HERC3: variants seen among roughly 807,000 people sequenced by gnomAD.
HERC3 encodes probable E3 ubiquitin-protein ligase HERC3.
HERC3 carries 58 observed loss-of-function variants against 129.9 expected under a neutral mutation model. The observed-to-expected ratio is 0.45, with a 90% CI of 0.36 to 0.56. HERC3 has a LOEUF of 0.56. Among genes scored for constraint, HERC3 ranks in the 20% least tolerant of loss-of-function variants. The probability of loss-of-function intolerance (pLI) is 0.00; values close to 1 mark genes in which losing one functional copy is unlikely to be tolerated. For synonymous variants in HERC3, 430 were observed against 451.0 expected (o/e 0.95, Z 0.59); for missense variants, 835 against 1,244.2 (o/e 0.67, Z 4.95).
At chr4:88,550,028 T>C in the HERC3 span, among the ~76,000 whole-genome samples, 3 of 152,126 alleles carry the variant, frequency 2.0e-5, no homozygotes, top group Non-Finnish European at 4.4e-5. Flanking sequence ...GAATGGGGTA[T>C]GACCTTATAA....
At chr4:88,534,478 C>T in the HERC3 span, among the ~76,000 whole-genome samples, 2 of 148,800 alleles carry the variant, frequency 1.3e-5, no homozygotes, top group South Asian at 4.2e-4. Context: ...ATTAGTCTAA[C>T]AGTTTTGTTT....
At chr4:88,668,224 G>A in intron 14 of HERC3, 143 bp downstream of exon 14, 1 of 611,650 alleles carries the variant, frequency 1.6e-6, no homozygotes. Context: ...TTTCTTTGCT[G>A]TTAATTTTTA....
rs896732898 is a variant in HERC3, at chr4:88,648,218, C to T, written c.227-1622C>T. Among the ~76,000 whole-genome samples the T allele has an allele frequency of 4.6e-5, 7 of 152,032 alleles. No homozygotes were observed. In the East Asian group the frequency reaches 9.6e-4, roughly 21 times the overall value. On this transcript the variant is annotated intron_variant, in intron 3 of 25. Transcript: ENST00000402738. Reference sequence around the variant, plus strand: ...CTTTAAGTAGTGTTTTCTTTTTCACCTTGGAGACATCCCTCCACCTTTGCT... The same window carrying T: ...CTTTAAGTAGTGTTTTCTTTTTCACTTTGGAGACATCCCTCCACCTTTGCT...
chr4:88,574,251 T>C, the HERC3 span, among the ~76,000 whole-genome samples: 1 of 152,202 alleles, frequency 6.6e-6, no homozygotes, highest in Non-Finnish European at 1.5e-5. Context: ...CCTGTGGCAG[T>C]GCACAGAGGT....
At chr4:88,550,063 T>C in the HERC3 span, among the ~76,000 whole-genome samples, 1 of 152,162 alleles carries the variant, frequency 6.6e-6, no homozygotes, top group Admixed American at 6.5e-5. Flanking sequence ...TTAGGCGACA[T>C]CTGGGAAGAT....
At chr4:88,683,883 A>G (rs1001947945) in intron 21 of HERC3, among the ~76,000 whole-genome samples, 4 of 152,200 alleles carry the variant, frequency 2.6e-5, no homozygotes, top group African/African-American at 9.7e-5. Flanking sequence ...ACTTTCTTAA[A>G]ACATCATGAG....
intron 3 of HERC3, among the ~76,000 whole-genome samples, chr4:88,643,789 T>G (rs143684646): frequency 6.6e-6 from 1 of 152,266 alleles, no homozygotes; most frequent in East Asian, 1.9e-4. Context: ...AATAAAGCTT[T>G]CAGAAGAAAG....
chr4:88,675,621 T>C (rs1213586943), intron 16 of HERC3, among the ~76,000 whole-genome samples: 1 of 152,026 alleles, frequency 6.6e-6, no homozygotes, highest in Non-Finnish European at 1.5e-5. Context: ...GTGGGTTTTT[T>C]ACCATTACTC....
Position 88,691,262 on chromosome 4 carries a change from AC to A in HERC3, c.2657+3964del, listed in dbSNP as rs3836634. On this transcript the variant is annotated intron_variant, in intron 23 of 25. Transcript: ENST00000402738. ...AGAGTACTCATTGAATACACTGTGAACTCATCCATGCTACTTTAGGCACTGA... is the reference window on the plus strand; with the variant it reads ...AGAGTACTCATTGAATACACTGTGAATCATCCATGCTACTTTAGGCACTGA... Among the ~76,000 whole-genome samples the A allele has an allele frequency of 4.6e-5, 7 of 152,212 alleles. No homozygotes were observed. The East Asian group carries it at 1.4e-3, about 29-fold the overall frequency.
At chr4:88,591,745 G>C (rs1267351432), upstream of HERC3, among the ~76,000 whole-genome samples, 1 of 152,090 alleles carries the variant, frequency 6.6e-6, no homozygotes, top group African/African-American at 2.4e-5. Flanking sequence ...AGTGGAAGAG[G>C]ACAAACTTTT....
the HERC3 span, chr4:88,524,661 G>T: frequency 2.0e-5 from 3 of 152,206 alleles, no homozygotes; most frequent in African/African-American, 4.8e-5. Flanking sequence ...TACCTTGTAG[G>T]TAGGGCATAA....
the HERC3 span, among the ~76,000 whole-genome samples, chr4:88,585,864 C>T: frequency 6.6e-6 from 1 of 151,958 alleles, no homozygotes; most frequent in African/African-American, 2.4e-5. Flanking sequence ...GTTTGTATTT[C>T]ACATATATCA....
Position 88,652,062 on chromosome 4 carries a change from A to G in HERC3, c.437A>G (p.Asn146Ser), listed in dbSNP as rs756619836. The change falls in exon 5 of 26, where the codon AAC becomes AGC. Residue 146 changes from asparagine to serine, a missense_variant. Asn to Ser is a conservative substitution (Grantham distance 46). Coordinates refer to ENST00000402738, the MANE Select transcript of HERC3 (RefSeq NM_014606.3). Reference sequence around the variant, plus strand: ...ACAATATTACAAGTTTCCTGTGGCAACTGGCATTGCTTGGCTCTTGCGGCT... The same window carrying G: ...ACAATATTACAAGTTTCCTGTGGCAGCTGGCATTGCTTGGCTCTTGCGGCT... ...QQTILQVSCG[N>S]WHCLALAADG... The G allele has an allele frequency of 4.3e-6, 7 of 1,613,938 alleles. No homozygotes were observed. The Admixed American group carries it at 1.2e-4, about 27-fold the overall frequency.
intron 3 of HERC3, among the ~76,000 whole-genome samples, chr4:88,647,099 T>C (rs1305601084): frequency 6.6e-6 from 1 of 152,096 alleles, no homozygotes; most frequent in Non-Finnish European, 1.5e-5. Flanking sequence ...TGGTGAGTGA[T>C]GGGACAGGAA....
chr4:88,690,112 A>T, intron 23 of HERC3: 1 of 985,414 alleles, frequency 1.0e-6, no homozygotes, highest in South Asian at 4.7e-5. Flanking sequence ...TATAGAGGCT[A>T]GTCTTGATTC....
chr4:88,538,559 T>TC, the HERC3 span, among the ~76,000 whole-genome samples: 2 of 151,538 alleles, frequency 1.3e-5, no homozygotes, highest in Non-Finnish European at 2.9e-5. Context: ...TTTTTTTTTT[T>TC]TTTTGACGAA....
chr4:88,581,053 A>G, the HERC3 span, among the ~76,000 whole-genome samples: 1 of 152,198 alleles, frequency 6.6e-6, no homozygotes, highest in Non-Finnish European at 1.5e-5. Context: ...ATGGCATGGC[A>G]CATCAGAGGG....
chr4:88,557,666 A>C, the HERC3 span, among the ~76,000 whole-genome samples: 1 of 152,314 alleles, frequency 6.6e-6, no homozygotes, highest in East Asian at 1.9e-4. Context: ...AAGGGCTTTC[A>C]GATCGGATGT....
the HERC3 span, among the ~76,000 whole-genome samples, chr4:88,534,736 T>C: frequency 6.6e-6 from 1 of 152,248 alleles, no homozygotes; most frequent in African/African-American, 2.4e-5. Flanking sequence ...TGATTCTATA[T>C]GGCTTTTTTA....
Sources: allele counts gnomAD v4.1 joint callset (sites outside exome capture counted in the v4.1 genomes callset), GRCh38; gene constraint gnomAD v4.1.1; transcripts MANE v1.5; gene names NCBI Gene and HGNC (gene_info 2026-07-23, HGNC 2026-07-21).